The following ZSWIM6 variants were observed in gnomAD, a reference collection of about 807,000 sequenced individuals.
ZSWIM6 encodes zinc finger SWIM domain-containing protein 6.
In ZSWIM6, 9 loss-of-function variants were observed where a neutral mutation model predicts 113.2. That is an observed-to-expected ratio of 0.08 (90% CI 0.05 to 0.14). The LOEUF (loss-of-function observed/expected upper bound fraction) is 0.14. Among genes scored for constraint, ZSWIM6 ranks in the 10% least tolerant of loss-of-function variants. ZSWIM6 has a pLI of 1.00. For missense variants in ZSWIM6, 1,162 were observed against 1,552.2 expected (o/e 0.75, Z 4.22); for synonymous variants, 611 against 606.5 (o/e 1.01, Z -0.11).
intron 1 of ZSWIM6, among the ~76,000 whole-genome samples, chr5:61,338,627 G>A (rs1744458206): frequency 6.6e-6 from 1 of 152,242 alleles, no homozygotes; most frequent in Non-Finnish European, 1.5e-5. Context: ...GTTCTCTGAA[G>A]GATAATATTG....
intron 1 of ZSWIM6, among the ~76,000 whole-genome samples, chr5:61,363,935 CTTTCTT>C (rs1316225772): frequency 6.7e-6 from 1 of 148,258 alleles, no homozygotes; most frequent in African/African-American, 2.5e-5. Context: ...CTCCCTCTTT[CTTTCTT>C]TTTCTTTCTC....
chr5:61,391,350 G>T (rs905944804), intron 1 of ZSWIM6: 2 of 825,908 alleles, frequency 2.4e-6, no homozygotes, highest in Non-Finnish European at 4.3e-6. Flanking sequence ...CCTTCCTCTG[G>T]TGCAGAGGAA....
chr5:61,398,773 T>C (rs933775279), intron 1 of ZSWIM6, among the ~76,000 whole-genome samples: 4 of 152,188 alleles, frequency 2.6e-5, no homozygotes, highest in African/African-American at 9.7e-5. Context: ...TGAGAATAAA[T>C]TTCTCTGAGT....
At chr5:61,442,576 T>G (rs1746863418) in intron 1 of ZSWIM6, among the ~76,000 whole-genome samples, 1 of 152,232 alleles carries the variant, frequency 6.6e-6, no homozygotes, top group African/African-American at 2.4e-5. Flanking sequence ...TCCCATATAC[T>G]TGGCCTGATT....
In ZSWIM6 at chr5:61,332,963, A is replaced by T; in HGVS notation, c.676+15A>T. ...CCTGCAAGTCGGTGAGTCACGGGGC[A>T]GCCGCGAGCCGTCTGTCCGTCCGTC... On this transcript the variant is annotated intron_variant, in intron 1 of 13. Transcript: ENST00000252744. The T allele has an allele frequency of 8.3e-7, 1 of 1,201,200 alleles. No homozygotes were observed. Among genetic ancestry groups the T allele is most frequent in the Non-Finnish European group, 1.0e-6 (1 of 957,260 alleles). 74.4% of individuals were successfully genotyped at this position (1,201,200 alleles called of 1,614,324 possible). A position where few individuals can be genotyped will look rare whatever the true frequency, so the allele number is the denominator to read the frequency against.
At chr5:61,474,962 A>G in intron 2 of ZSWIM6, among the ~76,000 whole-genome samples, 1 of 152,188 alleles carries the variant, frequency 6.6e-6, no homozygotes, top group East Asian at 1.9e-4. Flanking sequence ...AAATAACAGG[A>G]GTGTAAACAA....
chr5:61,419,285 G>T (rs544424854), intron 1 of ZSWIM6, among the ~76,000 whole-genome samples: 128 of 152,324 alleles, frequency 8.4e-4, no homozygotes, highest in African/African-American at 3.0e-3. Context: ...CACCAGAGAG[G>T]TTTAGAAAGA....
In ZSWIM6 at chr5:61,504,978, C is replaced by T. The variant is rs1037095889; in HGVS notation, c.1333+10568C>T. Among the ~76,000 whole-genome samples, 7 of 152,098 alleles carry T rather than the reference C, an allele frequency of 4.6e-5. No individual in the cohort carries two copies. The East Asian group carries it at 1.2e-3, about 25-fold the overall frequency. Reference sequence around the variant, plus strand: ...AACTATAGAAACAAGGTTAATATAACGTAGGACATGTTTCGGAAAATTTTG... The same window carrying T: ...AACTATAGAAACAAGGTTAATATAATGTAGGACATGTTTCGGAAAATTTTG... On this transcript the variant is annotated intron_variant, in intron 4 of 13. Transcript: ENST00000252744.
At chr5:61,369,512 G>C (rs1412030319) in intron 1 of ZSWIM6, among the ~76,000 whole-genome samples, 1 of 152,204 alleles carries the variant, frequency 6.6e-6, no homozygotes, top group Non-Finnish European at 1.5e-5. Context: ...CTCAGGCTTA[G>C]ATGACCTGGG....
At chr5:61,390,713 C>T in intron 1 of ZSWIM6, 1 of 809,448 alleles carries the variant, frequency 1.2e-6, no homozygotes, top group Non-Finnish European at 2.2e-6. Flanking sequence ...TGAGTGGTGC[C>T]ATGAATGCTG....
In ZSWIM6 at chr5:61,383,711, T is replaced by C. The variant is rs368811555; in HGVS notation, c.676+50763T>C. Among the ~76,000 whole-genome samples the C allele has an allele frequency of 2.0e-4, 30 of 151,766 alleles. No individual in the cohort carries two copies. In the South Asian group the frequency reaches 6.2e-3, roughly 32 times the overall value. On this transcript the variant is annotated intron_variant, in intron 1 of 13. Coordinates refer to ENST00000252744, the MANE Select transcript of ZSWIM6 (RefSeq NM_020928.2). Reference sequence around the variant, plus strand: ...ACAGGCACATGCTACCACGTCCAGCTAATTTTTGTATTTTTAGTAGAGACG... The same window carrying C: ...ACAGGCACATGCTACCACGTCCAGCCAATTTTTGTATTTTTAGTAGAGACG...
intron 1 of ZSWIM6, among the ~76,000 whole-genome samples, chr5:61,389,202 A>G (rs181461381): frequency 2.6e-5 from 4 of 152,216 alleles, no homozygotes; most frequent in Admixed American, 2.6e-4. Context: ...ACTTGTTTTC[A>G]TGGTACCACA....
intron 5 of ZSWIM6, among the ~76,000 whole-genome samples, chr5:61,523,695 A>T (rs1749198682): frequency 6.6e-6 from 1 of 152,216 alleles, no homozygotes; most frequent in Non-Finnish European, 1.5e-5. Context: ...ACCTAGTCAA[A>T]CCAAATTTTT....
intron 4 of ZSWIM6, among the ~76,000 whole-genome samples, chr5:61,512,987 A>G (rs946587050): frequency 1.3e-5 from 2 of 151,860 alleles, no homozygotes; most frequent in African/African-American, 4.8e-5. Flanking sequence ...CCCAAAGTCC[A>G]TAGTTTACAT....
chr5:61,357,075 A>G (rs1210085300), intron 1 of ZSWIM6, among the ~76,000 whole-genome samples: 2 of 152,012 alleles, frequency 1.3e-5, no homozygotes, highest in African/African-American at 4.8e-5. Context: ...TGGGCTTCAC[A>G]TAGACATACT....
Position 61,525,915 on chromosome 5 carries a change from C to T in ZSWIM6, c.1629C>T (p.Tyr543=). The T allele has an allele frequency of 1.3e-6, 2 of 1,552,200 alleles. No individual in the cohort carries two copies. Among genetic ancestry groups the T allele is most frequent in the Non-Finnish European group, 1.7e-6 (2 of 1,147,076 alleles). ...TCAGCAGTGACCTATACACCAACTA[C>T]TGTTACCATGACGACACTGAAAACT... ...HIISSDLYTN[Y]CYHDDTENSL... is the part of the protein sequence containing the mutation. The change falls in exon 6 of 14, where the codon TAC becomes TAT. Residue 543 remains tyrosine (Y), a synonymous_variant. Coordinates refer to ENST00000252744, the MANE Select transcript of ZSWIM6 (RefSeq NM_020928.2).
chr5:61,501,339 C>G (rs960271610), intron 4 of ZSWIM6, among the ~76,000 whole-genome samples: 2 of 152,102 alleles, frequency 1.3e-5, no homozygotes, highest in African/African-American at 4.8e-5. Context: ...ATGGGCAAAC[C>G]TAGGATAAAT....
intron 1 of ZSWIM6, among the ~76,000 whole-genome samples, chr5:61,455,160 A>G (rs1038961439): frequency 2.6e-5 from 4 of 152,192 alleles, no homozygotes; most frequent in Non-Finnish European, 4.4e-5. Context: ...TATAAAAAAA[A>G]TAGTTTTCTT....
chr5:61,344,868 C>G (rs1229611373), intron 1 of ZSWIM6, among the ~76,000 whole-genome samples: 3 of 152,166 alleles, frequency 2.0e-5, no homozygotes, highest in Admixed American at 2.0e-4. Flanking sequence ...ATATTCTGTG[C>G]TGTGGTACTC....
Sources: gnomAD v4.1 joint callset for allele counts (sites outside exome capture counted in the v4.1 genomes callset) on GRCh38, gnomAD v4.1.1 for gene constraint, MANE v1.5 for transcripts, NCBI Gene and HGNC (gene_info 2026-07-23, HGNC 2026-07-21) for gene names.